The following RBM33 variants were observed in gnomAD, a reference collection of about 807,000 sequenced individuals.
The protein encoded by RBM33 is RNA binding motif protein 33.
In RBM33, 28 loss-of-function variants were observed where a neutral mutation model predicts 132.6. That is an observed-to-expected ratio of 0.21 (90% CI 0.16 to 0.29). RBM33 has a LOEUF of 0.29. Ranked by LOEUF, RBM33 falls within the 10% of genes least tolerant of loss-of-function variation. The pLI, the probability that RBM33 is intolerant of heterozygous loss-of-function variation, is 1.00. For missense variants in RBM33, 1,291 were observed against 1,518.5 expected (o/e 0.85, Z 2.49); for synonymous variants, 634 against 593.0 (o/e 1.07, Z -1.01).
At chr7:155,664,281 CAG>C (rs1798737508) in intron 1 of RBM33, among the ~76,000 whole-genome samples, 1 of 150,188 alleles carries the variant, frequency 6.7e-6, no homozygotes, top group Non-Finnish European at 1.5e-5. Flanking sequence ...TTTTTTGAGA[CAG>C]AGTTTCTGTC....
At chr7:155,716,218 G>A (rs1162484697) in intron 8 of RBM33, among the ~76,000 whole-genome samples, 1 of 152,120 alleles carries the variant, frequency 6.6e-6, no homozygotes, top group Non-Finnish European at 1.5e-5. Context: ...CACTGAGGTG[G>A]CATCTCTTGG....
At chr7:155,694,747 G>A (rs1281267286) in intron 5 of RBM33, among the ~76,000 whole-genome samples, 1 of 152,168 alleles carries the variant, frequency 6.6e-6, no homozygotes, top group Non-Finnish European at 1.5e-5. Flanking sequence ...AAGTAGTTGT[G>A]TGTATTAATA....
chr7:155,695,820 G>T (rs1799778594), intron 5 of RBM33, among the ~76,000 whole-genome samples: 2 of 152,248 alleles, frequency 1.3e-5, no homozygotes, highest in South Asian at 4.2e-4. Context: ...GAAGTATGAA[G>T]AATTTTGTGA....
chr7:155,691,622 G>T (rs1026702209), intron 5 of RBM33, among the ~76,000 whole-genome samples: 1 of 152,082 alleles, frequency 6.6e-6, no homozygotes, highest in Non-Finnish European at 1.5e-5. Flanking sequence ...AACTTTTATT[G>T]CAAGGCAGTT....
At chr7:155,699,639 G>C (rs1228301763) in intron 5 of RBM33, among the ~76,000 whole-genome samples, 1 of 152,192 alleles carries the variant, frequency 6.6e-6, no homozygotes, top group East Asian at 1.9e-4. Context: ...GGTGAAAGTT[G>C]TAGTTTACTG....
intron 8 of RBM33, among the ~76,000 whole-genome samples, chr7:155,717,542 G>T (rs1422810647): frequency 1.1e-4 from 16 of 146,656 alleles, no homozygotes; most frequent in African/African-American, 7.4e-5. Context: ...TGTGGGGGCG[G>T]GGGGAGGGAG....
chr7:155,718,620 A>G (rs910938853), intron 9 of RBM33, among the ~76,000 whole-genome samples, 177 bp downstream of exon 9: 1 of 152,218 alleles, frequency 6.6e-6, no homozygotes, highest in African/African-American at 2.4e-5. Context: ...TGGATTTTTG[A>G]GAGTAGAATT....
chr7:155,708,341 T>G (rs1585467809), intron 7 of RBM33, among the ~76,000 whole-genome samples: 1 of 152,330 alleles, frequency 6.6e-6, no homozygotes, highest in African/African-American at 2.4e-5. Flanking sequence ...CTTTTTTCCC[T>G]TCGTTGCTCC....
intron 5 of RBM33, among the ~76,000 whole-genome samples, chr7:155,684,690 G>T (rs1385303774): frequency 6.6e-6 from 1 of 152,186 alleles, no homozygotes; most frequent in Non-Finnish European, 1.5e-5. Context: ...GGCACTTGGA[G>T]TTTGAAGCAG....
chr7:155,702,895 T>G (rs951596007), intron 6 of RBM33, among the ~76,000 whole-genome samples: 1 of 151,538 alleles, frequency 6.6e-6, no homozygotes, highest in African/African-American at 2.4e-5. Context: ...GTTCTAAGAC[T>G]ATTAATTCAC....
intron 11 of RBM33, chr7:155,739,242 T>G (rs1044290816): frequency 6.6e-6 from 1 of 152,484 alleles, no homozygotes; most frequent in Non-Finnish European, 1.5e-5. Context: ...CTTTTTTTTT[T>G]GTCTTTTTTT....
In RBM33 at chr7:155,766,329, G is replaced by A. The variant is rs759444031; in HGVS notation, c.3187-138G>A. 7.3e-6 allele frequency: 7 copies of A among 956,338 alleles called. No homozygotes were observed. The Admixed American group carries it at 1.6e-4, about 23-fold the overall frequency. 59.2% of individuals were successfully genotyped at this position (956,338 alleles called of 1,614,324 possible). A position where few individuals can be genotyped will look rare whatever the true frequency, so the allele number is the denominator to read the frequency against. ...GCTATTAAAACATTCTCTGATAGTG[G>A]ATAGAAAACTACAGAAAATCCTGTA... On this transcript the variant is annotated intron_variant, in intron 15 of 17. Coordinates refer to ENST00000401878, the MANE Select transcript of RBM33 (RefSeq NM_053043.3).
At chr7:155,741,015 C>G (rs1801314300) in intron 12 of RBM33, among the ~76,000 whole-genome samples, 1 of 152,186 alleles carries the variant, frequency 6.6e-6, no homozygotes, top group South Asian at 2.1e-4. Flanking sequence ...TGCTTGGAAT[C>G]TCAGTTTTCC....
intron 2 of RBM33, among the ~76,000 whole-genome samples, chr7:155,672,048 A>G (rs778179259): frequency 6.6e-6 from 1 of 152,130 alleles, no homozygotes; most frequent in Non-Finnish European, 1.5e-5. Flanking sequence ...ATACAAAGCT[A>G]ATTTCCCTTA....
At chr7:155,767,727 T>G (rs1469072043) in intron 16 of RBM33, among the ~76,000 whole-genome samples, 2 of 152,208 alleles carry the variant, frequency 1.3e-5, no homozygotes, top group Non-Finnish European at 2.9e-5. Context: ...AGCCTTGGCT[T>G]CTGTTTGTGA....
intron 14 of RBM33, among the ~76,000 whole-genome samples, chr7:155,762,416 C>T (rs1482425026): frequency 5.3e-5 from 8 of 152,214 alleles, no homozygotes; most frequent in Non-Finnish European, 1.2e-4. Flanking sequence ...GGAATAAGTG[C>T]TTCTCCATTC....
intron 3 of RBM33, among the ~76,000 whole-genome samples, chr7:155,675,880 T>C (rs1438122363): frequency 6.6e-6 from 1 of 152,230 alleles, no homozygotes; most frequent in Non-Finnish European, 1.5e-5. Context: ...AATTTTCCAT[T>C]CCCTGTTCGA....
intron 16 of RBM33, among the ~76,000 whole-genome samples, chr7:155,767,640 C>T (rs1290985099): frequency 2.0e-5 from 3 of 152,196 alleles, no homozygotes; most frequent in Admixed American, 6.5e-5. Flanking sequence ...GGTTTAATTG[C>T]TGCCATCTTC....
chr7:155,759,415 C>CTTTTTTTTTTTTTTT (rs58449648), intron 14 of RBM33, among the ~76,000 whole-genome samples: 1 of 113,998 alleles, frequency 8.8e-6, no homozygotes, highest in Non-Finnish European at 1.8e-5. Flanking sequence ...TGTTTATGTT[C>CTTTTTTTTTTTTTTT]TTTTTTTTTT....
Sources: allele counts gnomAD v4.1 joint callset (sites outside exome capture counted in the v4.1 genomes callset), GRCh38; gene constraint gnomAD v4.1.1; transcripts MANE v1.5; gene names NCBI Gene and HGNC (gene_info 2026-07-23, HGNC 2026-07-21).